The following VRK3 variants were observed in gnomAD, a reference collection of about 807,000 sequenced individuals.
VRK3 encodes the protein VRK serine/threonine kinase 3, also known as serine/threonine-protein kinase VRK3.
In VRK3, 50 loss-of-function variants were observed where a neutral mutation model predicts 60.4. The ratio of observed to expected loss-of-function variants is 0.83; its 90% confidence interval spans 0.66 to 1.05. The LOEUF (loss-of-function observed/expected upper bound fraction) is 1.05, where lower values mean the gene tolerates loss of function less well. Ranked by LOEUF, VRK3 falls within the 50% of genes least tolerant of loss-of-function variation. The pLI, the probability that VRK3 is intolerant of heterozygous loss-of-function variation, is 0.00. For synonymous variants in VRK3, 246 were observed against 227.8 expected (o/e 1.08, Z -0.72); for missense variants, 549 against 585.3 (o/e 0.94, Z 0.64).
chr19:49,980,881 GC>G, intron 13 of VRK3, 73 bp downstream of exon 13: 1 of 1,386,642 alleles, frequency 7.2e-7, no homozygotes, highest in Non-Finnish European at 1.0e-6. Context: ...GTAAGGAGAA[GC>G]CACCCCAAGA....
chr19:49,988,163 A>C (rs2076548726), intron 12 of VRK3: 1 of 582,232 alleles, frequency 1.7e-6, no homozygotes, highest in Non-Finnish European at 2.7e-6. Context: ...TGGTGGTGCC[A>C]GAGTCTGAGC....
chr19:50,010,099 G>GTA (rs570342206), intron 3 of VRK3, among the ~76,000 whole-genome samples: 4 of 151,572 alleles, frequency 2.6e-5, no homozygotes, highest in South Asian at 4.2e-4. Flanking sequence ...ATGATTGTGT[G>GTA]TATATATATA....
chr19:49,998,173 A>G (rs923111306), intron 6 of VRK3: 2 of 137,618 alleles, frequency 1.5e-5, no homozygotes, highest in Admixed American at 1.4e-4. Context: ...AGCCACCATT[A>G]ATATTAGGTA....
At chr19:50,019,700 TTTTTTTTTTTTTTA>T (rs2077138917) in intron 2 of VRK3, among the ~76,000 whole-genome samples, 1 of 128,328 alleles carries the variant, frequency 7.8e-6, no homozygotes, top group African/African-American at 3.1e-5. Flanking sequence ...TTTTTTTTTT[TTTTTTTTTTTTTTA>T]CTTTTTGTAG....
chr19:50,024,825 G>A (rs1454307071), intron 1 of VRK3: 1 of 152,204 alleles, frequency 6.6e-6, no homozygotes, highest in African/African-American at 2.4e-5. Context: ...AATGTTTAGG[G>A]AACAGCTGCT....
intron 7 of VRK3, among the ~76,000 whole-genome samples, chr19:49,996,738 T>A (rs2076711023): frequency 6.6e-6 from 1 of 152,092 alleles, no homozygotes; most frequent in Non-Finnish European, 1.5e-5. Flanking sequence ...CACCTCAGCC[T>A]CCCATGTAGC....
intron 5 of VRK3, among the ~76,000 whole-genome samples, chr19:50,003,654 A>G (rs951968131): frequency 3.9e-5 from 6 of 152,358 alleles, no homozygotes; most frequent in East Asian, 1.9e-4. Flanking sequence ...TCGAATAACC[A>G]TAACGATTCA....
rs1456248960 is a variant in VRK3 at position 49,997,511 on chromosome 19, AG to A, written c.671del (p.Pro224LeufsTer84). 3 of 1,613,744 alleles carry A rather than the reference AG, an allele frequency of 1.9e-6. No homozygotes were observed. The highest frequency in any genetic ancestry group is 2.5e-6 in the Non-Finnish European group (3 of 1,179,906). ...EQNFFQRAAKPLQVNKWKKLY... is the reference protein window; with the variant it reads ...EQNFFQRAAKXLQVNKWKKLY... ...CAGTTCCCTGTCAGGTACCTTGCAG[AG>A]GCTTGGCGGCCCGCTGGAAGAAGTT... On this transcript the variant is annotated frameshift_variant, in exon 7 of 15. Transcript: ENST00000316763. LOFTEE classifies it high-confidence loss of function.
chr19:50,012,963 C>G (rs1409938295), intron 3 of VRK3, among the ~76,000 whole-genome samples: 2 of 151,764 alleles, frequency 1.3e-5, no homozygotes, highest in Non-Finnish European at 2.9e-5. Context: ...GTCAGGAGAT[C>G]GAGACCATCC....
chr19:50,009,901 A>C (rs1185583363), intron 3 of VRK3, among the ~76,000 whole-genome samples: 1 of 152,206 alleles, frequency 6.6e-6, no homozygotes, highest in Non-Finnish European at 1.5e-5. Context: ...TCAGCCTTCC[A>C]AAGTGCTGGG....
chr19:50,000,686 C>T (rs553437461), intron 6 of VRK3, 104 bp downstream of exon 6: 325 of 1,356,784 alleles, frequency 2.4e-4, no homozygotes, highest in Non-Finnish European at 3.0e-4. Flanking sequence ...GGGACCCTGG[C>T]CCCCGGCCGA....
At chr19:50,017,064 T>C (rs1297957385) in intron 2 of VRK3, among the ~76,000 whole-genome samples, 1 of 151,964 alleles carries the variant, frequency 6.6e-6, no homozygotes, top group Non-Finnish European at 1.5e-5. Flanking sequence ...TGTGGTGGCA[T>C]GCACCTGTAA....
At chr19:49,997,872 A>T (rs2076732899) in intron 6 of VRK3, 1 of 243,800 alleles carries the variant, frequency 4.1e-6, no homozygotes, top group Non-Finnish European at 8.0e-6. Flanking sequence ...CACATGACCA[A>T]GTTCTGGCCA....
intron 5 of VRK3, 128 bp downstream of exon 5, chr19:50,007,441 G>A (rs915198120): frequency 1.4e-6 from 2 of 1,419,908 alleles, no homozygotes; most frequent in African/African-American, 1.4e-5. Context: ...AGGTCTAAGA[G>A]AAAGTTGCCT....
Position 50,009,287 on chromosome 19 carries a change from C to G in VRK3, c.238G>C (p.Gly80Arg). The G allele has an allele frequency of 1.2e-6, 2 of 1,614,124 alleles. No homozygotes were observed. The highest frequency in any genetic ancestry group is 1.7e-6 in the Non-Finnish European group (2 of 1,179,998). Residue 80 changes from glycine to arginine, a missense_variant, in exon 4 of 15, where the codon GGT becomes CGT. Coordinates refer to ENST00000316763, the MANE Select transcript of VRK3 (RefSeq NM_016440.4). ...GTATCTTCAGACTCAGAACTGTCAC[C>G]ATCTGAGAAGAGGGATAATCGGGGA... ...TSPRLSLFSD[G>R]DSSESEDTLS...
intron 12 of VRK3, among the ~76,000 whole-genome samples, chr19:49,984,281 G>A (rs2076475311): frequency 6.6e-6 from 1 of 152,160 alleles, no homozygotes; most frequent in African/African-American, 2.4e-5. Flanking sequence ...CAGGAACCTG[G>A]CACTGAATGC....
chr19:50,009,460 G>C, intron 3 of VRK3, 75 bp from the exon 4 acceptor site: 1 of 1,563,734 alleles, frequency 6.4e-7, no homozygotes, highest in Non-Finnish European at 8.7e-7. Context: ...TGGGAGCCCT[G>C]AGGTTATACT....
chr19:50,015,403 G>A (rs932046757), intron 3 of VRK3, among the ~76,000 whole-genome samples: 1 of 152,084 alleles, frequency 6.6e-6, no homozygotes, highest in African/African-American at 2.4e-5. Flanking sequence ...CCGCCTCCTG[G>A]GTTCAAGCAA....
At chr19:49,990,789 T>G (rs977546577) in intron 10 of VRK3, among the ~76,000 whole-genome samples, 3 of 152,042 alleles carry the variant, frequency 2.0e-5, no homozygotes, top group Admixed American at 6.5e-5. Context: ...AATAATTTTT[T>G]TTTTTTAAGT....
Sources: allele counts gnomAD v4.1 joint callset (sites outside exome capture counted in the v4.1 genomes callset), GRCh38; gene constraint gnomAD v4.1.1; transcripts MANE v1.5; gene names NCBI Gene and HGNC (gene_info 2026-07-23, HGNC 2026-07-21).